Variants in VAPB observed in about 807,000 individuals in gnomAD.
VAPB encodes vesicle-associated membrane protein-associated protein B/C.
In VAPB, 7 loss-of-function variants were observed where a neutral mutation model predicts 25.6. The observed-to-expected ratio is 0.27, with a 90% CI of 0.16 to 0.51. The LOEUF is 0.51. Among genes scored for constraint, VAPB ranks in the 20% least tolerant of loss-of-function variants. VAPB has a pLI of 0.97. For missense variants in VAPB, 266 were observed against 301.3 expected, an observed-to-expected ratio of 0.88 and a Z score of 0.87; for synonymous variants, 112 against 109.2, an observed-to-expected ratio of 1.03 and a Z score of -0.16.
chr20:58,447,701 T>C lies in VAPB; in HGVS notation c.*3466T>C, dbSNP rs1210731542. On this transcript the variant is annotated 3_prime_UTR_variant, in exon 6 of 6. Transcript: ENST00000475243. ...GTGCATGTGTGGCATATGTGCCGTA[T>C]GTCAGTAGCTTGACAGTTTTCAAAT... 1 of 453,992 alleles carries C rather than the reference T, an allele frequency of 2.2e-6. No individual in the cohort carries two copies. Among genetic ancestry groups the C allele is most frequent in the Non-Finnish European group, 4.4e-6 (1 of 226,674 alleles). The allele number at this position is 453,992 out of a possible 1,614,324, so 28.1% of individuals were successfully genotyped here.
Position 58,444,984 on chromosome 20 carries a change from G to A in VAPB, c.*749G>A, listed in dbSNP as rs765969456. ...GTATTTCATCTCATGTTTTCTTATT[G>A]TCACAAGAGTACAGTTAATGCTGCG... On this transcript the variant is annotated 3_prime_UTR_variant, in exon 6 of 6. Transcript: ENST00000475243. 14 of 454,656 alleles carry A rather than the reference G, an allele frequency of 3.1e-5. No homozygotes were observed. The highest frequency in any genetic ancestry group is 2.2e-4 in the South Asian group (14 of 64,472). The allele number at this position is 454,656 out of a possible 1,614,324, so 28.2% of individuals were successfully genotyped here.
At chr20:58,427,623 T>C (rs13045419) in intron 2 of VAPB, among the ~76,000 whole-genome samples, 86 of 145,948 alleles carry the variant, frequency 5.9e-4, no homozygotes, top group Admixed American at 7.5e-4. Context: ...ATGATGCAGG[T>C]GAAAGTGATC....
At chr20:58,404,566 C>T (rs1265327131) in intron 1 of VAPB, among the ~76,000 whole-genome samples, 1 of 152,122 alleles carries the variant, frequency 6.6e-6, no homozygotes, top group Admixed American at 6.5e-5. Context: ...AGAGTGTGAA[C>T]CCTAGATTTG....
chr20:58,401,924 A>G (rs1021321544), intron 1 of VAPB, among the ~76,000 whole-genome samples: 49 of 152,134 alleles, frequency 3.2e-4, no homozygotes, highest in African/African-American at 1.2e-3. Context: ...CAGAGAGTCT[A>G]TGACTCAGTT....
chr20:58,399,174 G>T (rs1184636444), intron 1 of VAPB, among the ~76,000 whole-genome samples: 1 of 151,994 alleles, frequency 6.6e-6, no homozygotes, highest in Non-Finnish European at 1.5e-5. Flanking sequence ...GGTGGTGCAT[G>T]CCTGTAATCC....
intron 1 of VAPB, among the ~76,000 whole-genome samples, chr20:58,400,329 C>T (rs1988066793): frequency 1.3e-5 from 2 of 152,126 alleles, no homozygotes; most frequent in African/African-American, 2.4e-5. Flanking sequence ...GATAGAAAGC[C>T]CCTTGAGGAC....
chr20:58,401,344 C>T (rs181059794), intron 1 of VAPB, among the ~76,000 whole-genome samples: 3 of 152,100 alleles, frequency 2.0e-5, no homozygotes, highest in African/African-American at 7.2e-5. Flanking sequence ...TGTCTAGCTA[C>T]TCCTTTCACT....
chr20:58,397,460 G>T (rs147702580), intron 1 of VAPB, among the ~76,000 whole-genome samples: 32,069 of 151,316 alleles, frequency 0.21, 3,889 homozygotes, highest in African/African-American at 0.32. Context: ...CGGAGGTTGC[G>T]GTGAGCCGAG....
Position 58,447,630 on chromosome 20 carries a change from G to A in VAPB, c.*3395G>A, listed in dbSNP as rs549913295. On this transcript the variant is annotated 3_prime_UTR_variant, in exon 6 of 6. Coordinates refer to ENST00000475243, the MANE Select transcript of VAPB (RefSeq NM_004738.5). ...GAGCTCAGAGCTACAGAGCCTTTCA[G>A]ATGAATTTGAAAACAGACTCTGTGT... The A allele has an allele frequency of 4.4e-6, 2 of 451,334 alleles. No individual in the cohort carries two copies. Among genetic ancestry groups the A allele is most frequent in the Admixed American group, 4.7e-5 (2 of 42,246 alleles). 28.0% of individuals were successfully genotyped at this position (451,334 alleles called of 1,614,324 possible).
intron 1 of VAPB, among the ~76,000 whole-genome samples, chr20:58,408,902 C>G (rs1451240101): frequency 9.6e-6 from 1 of 104,620 alleles, no homozygotes; most frequent in Non-Finnish European, 2.1e-5. Flanking sequence ...CCCCCCCCCC[C>G]ACCCCGCCCC....
In VAPB at chr20:58,447,746, A is replaced by AAATCG. The variant is rs1375970273; in HGVS notation, c.*3511_*3512insAATCG. ...TCAAATCGTGCCTATATTTTTTTGC[A>AAATCG]TACACAAATTTTTGTGTTTGCAAAC... On this transcript the variant is annotated 3_prime_UTR_variant, in exon 6 of 6. Coordinates refer to ENST00000475243, the MANE Select transcript of VAPB (RefSeq NM_004738.5). The AAATCG allele has an allele frequency of 2.2e-6, 1 of 453,806 alleles. No homozygotes were observed. The highest frequency in any genetic ancestry group is 1.6e-5 in the South Asian group (1 of 64,476). The allele number at this position is 453,806 out of a possible 1,614,324, so 28.1% of individuals were successfully genotyped here.
Position 58,389,267 on chromosome 20 carries a change from C to T in VAPB, c.-193C>T, listed in dbSNP as rs1005102864. 1 of 687,228 alleles carries T rather than the reference C, an allele frequency of 1.5e-6. No individual in the cohort carries two copies. Among genetic ancestry groups the T allele is most frequent in the East Asian group, 2.9e-5 (1 of 34,932 alleles). The allele number at this position is 687,228 out of a possible 1,614,324, so 42.6% of individuals were successfully genotyped here. A position where few individuals can be genotyped will look rare whatever the true frequency, so the allele number is the denominator to read the frequency against. On this transcript the variant is annotated 5_prime_UTR_variant, in exon 1 of 6. Transcript: ENST00000475243. ...TCGCCGGGCACCGCGGCCTCGCCCT[C>T]GCCCTCCGCCCCTGCGCCTGCACCG... is the stretch of plus-strand genomic sequence containing the variant.
intron 2 of VAPB, among the ~76,000 whole-genome samples, chr20:58,425,000 T>C (rs1244513552): frequency 2.0e-5 from 3 of 152,244 alleles, no homozygotes; most frequent in East Asian, 3.8e-4. Flanking sequence ...CCCTAAAGGA[T>C]ATAATAAATT....
rs374810413 is a variant in VAPB, at chr20:58,426,846, GGAGA to G, written c.212-7749_212-7746del. Among the ~76,000 whole-genome samples the G allele has an allele frequency of 3.2e-3, 487 of 152,258 alleles. 5 individuals carry two copies. The highest frequency in any genetic ancestry group is 0.011 in the African/African-American group (460 of 41,536). The stretch of plus-strand genomic sequence containing the variant: ...CTGAGATTGTGGGCACGTAAAATGT[GGAGA>G]GAGAGATTTCGAAGATAAGATTGTG... On this transcript the variant is annotated intron_variant, in intron 2 of 5. Transcript: ENST00000475243.
chr20:58,405,417 G>A (rs1156599600), intron 1 of VAPB, among the ~76,000 whole-genome samples: 2 of 152,150 alleles, frequency 1.3e-5, no homozygotes, highest in African/African-American at 4.8e-5. Context: ...GGATTTTGTT[G>A]TGAGATGGGA....
At chr20:58,434,814 G>C in intron 3 of VAPB, 109 bp downstream of exon 3, 1 of 673,346 alleles carries the variant, frequency 1.5e-6, no homozygotes, top group South Asian at 1.6e-5. Flanking sequence ...TTATTTAAAA[G>C]GGAATAGTTT....
chr20:58,411,466 G>A (rs1470437735), intron 1 of VAPB, among the ~76,000 whole-genome samples: 1 of 152,028 alleles, frequency 6.6e-6, no homozygotes, highest in African/African-American at 2.4e-5. Context: ...ATTTTCAGTA[G>A]AGACAGGGTT....
intron 2 of VAPB, among the ~76,000 whole-genome samples, chr20:58,428,678 G>T (rs1988861655): frequency 6.6e-6 from 1 of 152,148 alleles, no homozygotes; most frequent in Admixed American, 6.5e-5. Flanking sequence ...TTTATAGTCT[G>T]CCATGGTAAA....
chr20:58,420,264 C>T (rs1384689108), intron 2 of VAPB, among the ~76,000 whole-genome samples: 3 of 152,194 alleles, frequency 2.0e-5, no homozygotes, highest in Non-Finnish European at 4.4e-5. Flanking sequence ...GGATTACAGG[C>T]GTGAGCCACC....
Sources: gnomAD v4.1 joint callset for allele counts (sites outside exome capture counted in the v4.1 genomes callset) on GRCh38, gnomAD v4.1.1 for gene constraint, MANE v1.5 for transcripts, NCBI Gene and HGNC (gene_info 2026-07-23, HGNC 2026-07-21) for gene names.